GLRX2: variants seen among roughly 807,000 people sequenced by gnomAD.
GLRX2 encodes the protein bA101E13.1 (GRX2 glutaredoxin (thioltransferase) 2).
In GLRX2, 12 loss-of-function variants were observed where a neutral mutation model predicts 16.4. That is an observed-to-expected ratio of 0.73 (90% CI 0.47 to 1.19). The LOEUF (loss-of-function observed/expected upper bound fraction) is 1.19, where lower values mean the gene tolerates loss of function less well. GLRX2 is among the 50% of genes most tolerant of loss of function. The pLI is 0.00. For synonymous variants in GLRX2, 95 were observed against 76.2 expected (o/e 1.25, Z -1.28); for missense variants, 201 against 201.8 (o/e 1.00, Z 0.02).
At chr1:193,105,988 C>CAAA (rs3079948), upstream of GLRX2, 34,131 of 853,198 alleles carry the variant, frequency 0.04, 31 homozygotes, top group South Asian at 0.052. Flanking sequence ...CACCACCTGC[C>CAAA]AAAAAAAAAA....
At chr1:193,097,877 G>A (rs1674991948) in intron 2 of GLRX2, 117 bp from the exon 3 acceptor site, 1 of 563,784 alleles carries the variant, frequency 1.8e-6, no homozygotes, top group Admixed American at 3.9e-5. Flanking sequence ...CTCAAACTAA[G>A]CATCATCTAT....
chr1:193,097,785 T>C (rs1448129247), intron 2 of GLRX2, 25 bp from the exon 3 acceptor site: 8 of 1,505,850 alleles, frequency 5.3e-6, no homozygotes, highest in Non-Finnish European at 7.2e-6. Flanking sequence ...CAAAAAATCA[T>C]TTTAATTCTA....
chr1:193,102,974 T>C (rs930046026), intron 1 of GLRX2, among the ~76,000 whole-genome samples: 13 of 152,162 alleles, frequency 8.5e-5, no homozygotes, highest in Non-Finnish European at 1.3e-4. Flanking sequence ...AGATCGACTG[T>C]CACAGTGTGG....
chr1:193,096,955 G>A (rs1157795493), intron 3 of GLRX2, among the ~76,000 whole-genome samples, 196 bp from the exon 4 acceptor site: 4 of 152,158 alleles, frequency 2.6e-5, no homozygotes, highest in Admixed American at 2.6e-4. Context: ...GGAAAATGAG[G>A]CACAGGAACT....
intron 1 of GLRX2, among the ~76,000 whole-genome samples, chr1:193,104,816 G>A (rs1046977305): frequency 1.3e-5 from 2 of 152,268 alleles, no homozygotes; most frequent in African/African-American, 4.8e-5. Flanking sequence ...CTGCAGTAGG[G>A]TGGCTAAGTT....
Position 193,105,409 on chromosome 1 carries a change from T to C in GLRX2, c.-27A>G. 6.6e-7 allele frequency: 1 copy of C among 1,505,892 alleles called. No individual in the cohort carries two copies. The highest frequency in any genetic ancestry group is 8.8e-7 in the Non-Finnish European group (1 of 1,137,102). 93.3% of individuals were successfully genotyped at this position (1,505,892 alleles called of 1,614,324 possible). On this transcript the variant is annotated 5_prime_UTR_variant, in exon 1 of 4. Transcript: ENST00000367439. ...GTCAGAGCCCGGATCTGCAGCGAGC[T>C]CTACTGCCGGACACCGCGGATCCCG...
chr1:193,103,262 C>A, intron 1 of GLRX2, among the ~76,000 whole-genome samples: 1 of 152,108 alleles, frequency 6.6e-6, no homozygotes, highest in East Asian at 1.9e-4. Context: ...GTAAAAAATT[C>A]ATGGCAGTTT....
Position 193,097,594 on chromosome 1 carries a change from C to A in GLRX2, c.350G>T (p.Gly117Val). 1 of 1,606,090 alleles carries A rather than the reference C, an allele frequency of 6.2e-7. No individual in the cohort carries two copies. Among genetic ancestry groups the A allele is most frequent in the Non-Finnish European group, 8.5e-7 (1 of 1,176,948 alleles). Residue 117 changes from glycine to valine, a missense_variant, in exon 3 of 4, where the codon GGT (glycine) becomes GTT (valine). By Grantham distance (109) the Gly-to-Val change is moderately radical. Coordinates refer to ENST00000367439, the MANE Select transcript of GLRX2 (RefSeq NM_197962.3). The stretch of plus-strand genomic sequence containing the variant: ...AGAGGATATACTCACAGTTCTTTCA[C>A]CAGTCATTTTGTAAAGAGCATCTTG... Reference protein sequence around the residue: ...QFQDALYKMTGERTVPRIFVN... With the variant: ...QFQDALYKMTVERTVPRIFVN...
chr1:193,105,443 C>A (rs1675176620), upstream of GLRX2: 1 of 1,447,598 alleles, frequency 6.9e-7, no homozygotes, highest in Non-Finnish European at 9.0e-7. Context: ...CGGGAGCCCG[C>A]CTCCTCCGGC....
chr1:193,105,414 T>G lies in GLRX2; in HGVS notation c.-32A>C, dbSNP rs758104794. 6.7e-7 allele frequency: 1 copy of G among 1,494,828 alleles called. No homozygotes were observed. Among genetic ancestry groups the G allele is most frequent in the African/African-American group, 1.5e-5 (1 of 68,854 alleles). 92.6% of individuals were successfully genotyped at this position (1,494,828 alleles called of 1,614,324 possible). ...AGCCCGGATCTGCAGCGAGCTCTACTGCCGGACACCGCGGATCCCGGGAGC... is the reference window on the plus strand; with the variant it reads ...AGCCCGGATCTGCAGCGAGCTCTACGGCCGGACACCGCGGATCCCGGGAGC... On this transcript the variant is annotated 5_prime_UTR_variant, in exon 1 of 4. Transcript: ENST00000367439.
intron 1 of GLRX2, among the ~76,000 whole-genome samples, 178 bp from the exon 2 acceptor site, chr1:193,101,382 C>T (rs1304627569): frequency 6.6e-6 from 1 of 152,082 alleles, no homozygotes; most frequent in African/African-American, 2.4e-5. Flanking sequence ...TTCACTAAAA[C>T]CAAAAAGGCC....
At chr1:193,105,122 G>A in intron 1 of GLRX2, 142 bp downstream of exon 1, 1 of 1,285,546 alleles carries the variant, frequency 7.8e-7, no homozygotes, top group Non-Finnish European at 1.0e-6. Flanking sequence ...GCGCCTCTGC[G>A]TGTTATGACT....
At chr1:193,097,070 G>T (rs1674972800) in intron 3 of GLRX2, among the ~76,000 whole-genome samples, 1 of 152,132 alleles carries the variant, frequency 6.6e-6, no homozygotes, top group Admixed American at 6.5e-5. Flanking sequence ...ATAAACTAAA[G>T]CAGATAAACA....
chr1:193,104,420 A>G (rs1002581982), intron 1 of GLRX2, among the ~76,000 whole-genome samples: 1 of 152,218 alleles, frequency 6.6e-6, no homozygotes, highest in Non-Finnish European at 1.5e-5. Flanking sequence ...CGGGGCCTCA[A>G]AGAGCTGTCA....
chr1:193,105,499 C>T (rs753616661), upstream of GLRX2: 13 of 1,517,330 alleles, frequency 8.6e-6, no homozygotes, highest in Non-Finnish European at 1.1e-5. Flanking sequence ...CCGGACTGCC[C>T]GCGCCGCCGC....
At chr1:193,101,289 A>T (rs1217987000) in intron 1 of GLRX2, 85 bp from the exon 2 acceptor site, 26 of 866,444 alleles carry the variant, frequency 3.0e-5, no homozygotes, top group African/African-American at 5.1e-5. Flanking sequence ...AATCAATCTC[A>T]TAAACAAATA....
At chr1:193,100,138 G>A (rs758789190) in intron 2 of GLRX2, among the ~76,000 whole-genome samples, 2 of 152,080 alleles carry the variant, frequency 1.3e-5, no homozygotes, top group African/African-American at 2.4e-5. Context: ...TCTCAAGCTC[G>A]CCCTTAACTG....
At chr1:193,096,889 T>A in intron 3 of GLRX2, 130 bp from the exon 4 acceptor site, 1 of 642,756 alleles carries the variant, frequency 1.6e-6, no homozygotes, top group Non-Finnish European at 2.6e-6. Context: ...TTTCACAAAT[T>A]AAATCTTAAA....
chr1:193,105,785 G>A, upstream of GLRX2: 1 of 1,347,186 alleles, frequency 7.4e-7, no homozygotes. Context: ...TCAAAGTGGT[G>A]CCTCAGATGT....
Sources: allele counts gnomAD v4.1 joint callset (sites outside exome capture counted in the v4.1 genomes callset), GRCh38; gene constraint gnomAD v4.1.1; transcripts MANE v1.5; gene names NCBI Gene and HGNC (gene_info 2026-07-23, HGNC 2026-07-21).